EPSTI1: variants seen among roughly 807,000 people sequenced by gnomAD.
EPSTI1 encodes epithelial-stromal interaction protein 1.
In EPSTI1, 66 loss-of-function variants were observed where a neutral mutation model predicts 49.9. The observed-to-expected ratio is 1.32, with a 90% confidence interval of 1.08 to 1.62. EPSTI1 has a LOEUF of 1.62. Ranked by LOEUF, EPSTI1 falls within the 40% of genes most tolerant of loss-of-function variation. The pLI is 0.00. For synonymous variants in EPSTI1, 137 were observed against 130.7 expected, an observed-to-expected ratio of 1.05 and a Z score of -0.33; for missense variants, 394 against 365.5, an observed-to-expected ratio of 1.08 and a Z score of -0.64.
intron 1 of EPSTI1, among the ~76,000 whole-genome samples, chr13:42,973,227 A>G (rs7316926): frequency 0.79 from 120,817 of 152,184 alleles, 48,122 homozygotes; most frequent in Middle Eastern, 0.89. Context: ...AGAATCTTCC[A>G]TCTTAAGAAT....
chr13:42,897,011 A>G (rs947359294), intron 9 of EPSTI1, among the ~76,000 whole-genome samples: 1 of 151,744 alleles, frequency 6.6e-6, no homozygotes, highest in Non-Finnish European at 1.5e-5. Flanking sequence ...GAGGCAGGAG[A>G]ATCGCTTGAA....
At chr13:42,985,403 T>C (rs1022746933) in intron 1 of EPSTI1, among the ~76,000 whole-genome samples, 1 of 152,182 alleles carries the variant, frequency 6.6e-6, no homozygotes, top group African/African-American at 2.4e-5. Context: ...GGTTGTAGCT[T>C]TTGTGCAAAG....
At chr13:42,911,828 TC>T (rs1455119369) in intron 8 of EPSTI1, among the ~76,000 whole-genome samples, 3 of 152,216 alleles carry the variant, frequency 2.0e-5, no homozygotes, top group Admixed American at 2.0e-4. Flanking sequence ...TTAATTACTT[TC>T]TTCAGGATCA....
At chr13:42,990,286 G>A (rs745583347) in intron 1 of EPSTI1, among the ~76,000 whole-genome samples, 7 of 151,816 alleles carry the variant, frequency 4.6e-5, no homozygotes, top group Non-Finnish European at 1.0e-4. Context: ...AGTGTACAGT[G>A]AGCTCTTCAG....
intron 3 of EPSTI1, among the ~76,000 whole-genome samples, chr13:42,964,769 C>T (rs9567076): frequency 0.32 from 48,048 of 152,062 alleles, 7,766 homozygotes; most frequent in Middle Eastern, 0.51. Flanking sequence ...TTTACTTGCT[C>T]TCTCTTAAAC....
intron 10 of EPSTI1, among the ~76,000 whole-genome samples, chr13:42,889,853 A>G (rs2036976658): frequency 6.6e-6 from 1 of 152,090 alleles, no homozygotes; most frequent in Admixed American, 6.5e-5. Context: ...TCTCAGCTCT[A>G]TTTTATAAAC....
chr13:42,944,330 T>G (rs991248544), intron 6 of EPSTI1, among the ~76,000 whole-genome samples: 30 of 152,210 alleles, frequency 2.0e-4, no homozygotes, highest in African/African-American at 7.0e-4. Context: ...CATGGAATAC[T>G]ATGCAGACAT....
intron 3 of EPSTI1, 52 bp downstream of exon 3, chr13:42,969,042 T>C: frequency 1.3e-6 from 2 of 1,566,846 alleles, no homozygotes; most frequent in Non-Finnish European, 1.8e-6. Flanking sequence ...GCTTACAGGA[T>C]CCATAGGTGG....
At chr13:42,962,272 T>C (rs1048764778) in intron 5 of EPSTI1, among the ~76,000 whole-genome samples, 3 of 152,192 alleles carry the variant, frequency 2.0e-5, no homozygotes, top group Non-Finnish European at 4.4e-5. Flanking sequence ...TCTGATTCGG[T>C]AGGTCTGAGG....
chr13:42,892,821 T>TTG (rs1469055263), intron 10 of EPSTI1, among the ~76,000 whole-genome samples: 1 of 152,210 alleles, frequency 6.6e-6, no homozygotes, highest in Non-Finnish European at 1.5e-5. Context: ...CCTGAGGCAC[T>TTG]TCACTGTTGA....
chr13:42,897,541 A>AC (rs1276958022), intron 9 of EPSTI1, among the ~76,000 whole-genome samples: 2 of 152,144 alleles, frequency 1.3e-5, no homozygotes, highest in African/African-American at 4.8e-5. Context: ...CACGTTCTTC[A>AC]CCCCTGAAAA....
intron 8 of EPSTI1, among the ~76,000 whole-genome samples, chr13:42,901,304 T>C (rs562477904): frequency 2.7e-4 from 41 of 152,238 alleles, no homozygotes; most frequent in African/African-American, 9.1e-4. Context: ...ACAAAAAAAC[T>C]CAAAGTTCAG....
At chr13:42,889,134 TTCCAC>T in intron 10 of EPSTI1, 1 of 1,187,744 alleles carries the variant, frequency 8.4e-7, no homozygotes, top group Non-Finnish European at 1.2e-6. Flanking sequence ...GATTTAGAGT[TTCCAC>T]AGCATCCCAA....
rs765528536 is a variant in EPSTI1 at position 42,888,262 on chromosome 13, T to C, written c.*232A>G. On this transcript the variant is annotated 3_prime_UTR_variant, in exon 11 of 11. Transcript: ENST00000313624. ...ATTATACTTCCAATTAGAAAAATAATGTAGCATTTCCCTGGCAGTAGAGAT... is the reference window on the plus strand; with the variant it reads ...ATTATACTTCCAATTAGAAAAATAACGTAGCATTTCCCTGGCAGTAGAGAT... 3 of 1,613,726 alleles carry C rather than the reference T, an allele frequency of 1.9e-6. No individual in the cohort carries two copies. In the South Asian group the frequency reaches 3.3e-5, roughly 18 times the overall value.
chr13:42,911,793 TTTA>T (rs1309458738), intron 8 of EPSTI1, among the ~76,000 whole-genome samples: 3 of 152,196 alleles, frequency 2.0e-5, no homozygotes. Flanking sequence ...TTCTTAGAGT[TTTA>T]TTATTAATTT....
At chr13:42,938,005 C>T (rs1193839296) in intron 6 of EPSTI1, among the ~76,000 whole-genome samples, 5 of 152,102 alleles carry the variant, frequency 3.3e-5, no homozygotes, top group Non-Finnish European at 7.4e-5. Flanking sequence ...ATGGAGACTG[C>T]GTTAGCAAGC....
chr13:42,895,203 G>C (rs1003452121), intron 9 of EPSTI1, 95 bp from the exon 10 acceptor site: 1 of 901,476 alleles, frequency 1.1e-6, no homozygotes, highest in African/African-American at 1.7e-5. Context: ...TGACCATGGG[G>C]ATAGCTTCCT....
chr13:42,968,920 ATACAC>A (rs1297733354), intron 3 of EPSTI1, among the ~76,000 whole-genome samples, 169 bp downstream of exon 3: 50 of 101,530 alleles, frequency 4.9e-4, no homozygotes, highest in South Asian at 1.2e-3. Context: ...AAAAAAAAAA[ATACAC>A]ACACACACAC....
Position 42,979,598 on chromosome 13 carries a change from A to G in EPSTI1, c.189-8928T>C, listed in dbSNP as rs572000498. Among the ~76,000 whole-genome samples, 284 of 127,612 alleles carry G rather than the reference A, an allele frequency of 2.2e-3. 3 individuals are homozygous for G. The highest frequency in any genetic ancestry group is 6.8e-3 in the African/African-American group (235 of 34,552). 83.7% of individuals were successfully genotyped at this position (127,612 alleles called of 152,430 possible). ...AGACTCCGTCTCAAAAAAAAAAAAA[A>G]AAAAGAAAAGAAAAGAAATTTTAAG... On this transcript the variant is annotated intron_variant, in intron 1 of 10. Coordinates refer to ENST00000313624, the MANE Select transcript of EPSTI1 (RefSeq NM_033255.5).
Sources: allele counts gnomAD v4.1 joint callset (sites outside exome capture counted in the v4.1 genomes callset), GRCh38; gene constraint gnomAD v4.1.1; transcripts MANE v1.5; gene names NCBI Gene and HGNC (gene_info 2026-07-23, HGNC 2026-07-21).